Variants in CDKAL1 observed in about 807,000 individuals in gnomAD.
The protein encoded by CDKAL1 is CDKAL1 threonylcarbamoyladenosine tRNA methylthiotransferase, also known as threonylcarbamoyladenosine tRNA methylthiotransferase.
Under a neutral mutation model 68.2 loss-of-function variants are expected in CDKAL1, and 32 were observed. The observed-to-expected ratio is 0.47, with a 90% CI of 0.35 to 0.63. CDKAL1 has a LOEUF of 0.63. CDKAL1 is among the 30% of genes least tolerant of loss of function. The pLI, the probability that CDKAL1 is intolerant of heterozygous loss-of-function variation, is 0.00. For synonymous variants in CDKAL1, 234 were observed against 244.3 expected, an observed-to-expected ratio of 0.96 and a Z score of 0.39; for missense variants, 606 against 696.7, an observed-to-expected ratio of 0.87 and a Z score of 1.47.
At position 21,114,467 on chromosome 6, in the gene CDKAL1, TC is replaced by T. The variant is rs1288889934; in HGVS notation, c.1299+6005del. ...ACTCCTCTAAGCTGGATGTGGTGGC[TC>T]ATCCCTGTAATCCCAGTAATTTGGG... On this transcript the variant is annotated intron_variant, in intron 13 of 15. Coordinates refer to ENST00000274695, the MANE Select transcript of CDKAL1 (RefSeq NM_017774.3). Among the ~76,000 whole-genome samples, 54 of 152,312 alleles carry T rather than the reference TC, an allele frequency of 3.5e-4. No individual in the cohort carries two copies. The Middle Eastern group carries it at 0.01, about 29-fold the overall frequency.
Position 20,988,796 on chromosome 6 carries a change from C to T in CDKAL1, c.910-11431C>T, listed in dbSNP as rs577120111. Among the ~76,000 whole-genome samples, 5 of 150,988 alleles carry T rather than the reference C, an allele frequency of 3.3e-5. No individual in the cohort carries two copies. The South Asian group carries it at 6.4e-4, about 19-fold the overall frequency. On this transcript the variant is annotated intron_variant, in intron 10 of 15. Coordinates refer to ENST00000274695, the MANE Select transcript of CDKAL1 (RefSeq NM_017774.3). ...TCCCCAGTAGCTAGGATTACAGGCA[C>T]GCACCACCACTCCCAGTTAATTTTT...
At chr6:21,160,378 A>G (rs1252354553) in intron 13 of CDKAL1, among the ~76,000 whole-genome samples, 1 of 151,288 alleles carries the variant, frequency 6.6e-6, no homozygotes, top group East Asian at 2.0e-4. Flanking sequence ...GCTCACTGCA[A>G]CCTCTGCCTC....
At chr6:20,933,182 G>C (rs539841174) in intron 9 of CDKAL1, among the ~76,000 whole-genome samples, 4 of 152,190 alleles carry the variant, frequency 2.6e-5, no homozygotes, top group African/African-American at 9.7e-5. Flanking sequence ...TTCAGCCATC[G>C]TAAAGAAAGA....
chr6:21,130,253 TC>T (rs1172915015), intron 13 of CDKAL1, among the ~76,000 whole-genome samples: 41 of 149,600 alleles, frequency 2.7e-4, no homozygotes, highest in Admixed American at 5.4e-4. Context: ...AGATGTAGTT[TC>T]GCTCTTGTTC....
chr6:21,067,783 A>G (rs1771538003), intron 12 of CDKAL1, among the ~76,000 whole-genome samples: 2 of 152,116 alleles, frequency 1.3e-5, no homozygotes. Flanking sequence ...ATAACTGCCA[A>G]ATAGTTTCCC....
chr6:21,117,897 G>T (rs552642423), intron 13 of CDKAL1, among the ~76,000 whole-genome samples: 1 of 152,216 alleles, frequency 6.6e-6, no homozygotes, highest in Middle Eastern at 3.4e-3. Flanking sequence ...CCCCATCAAA[G>T]GCTAACACGT....
chr6:20,536,991 T>C (rs1763199349), intron 2 of CDKAL1, among the ~76,000 whole-genome samples: 1 of 152,184 alleles, frequency 6.6e-6, no homozygotes, highest in South Asian at 2.1e-4. Flanking sequence ...TTCTCAGAGA[T>C]TCATTCAGCT....
At chr6:20,991,890 C>A (rs1049645419) in intron 10 of CDKAL1, among the ~76,000 whole-genome samples, 1 of 150,464 alleles carries the variant, frequency 6.6e-6, no homozygotes, top group African/African-American at 2.4e-5. Flanking sequence ...AATTGTATGT[C>A]TGTTTTACCA....
intron 6 of CDKAL1, among the ~76,000 whole-genome samples, chr6:20,745,121 T>C: frequency 6.6e-6 from 1 of 152,244 alleles, no homozygotes; most frequent in East Asian, 1.9e-4. Context: ...TGTCCACTTA[T>C]CTCAGGGACT....
intron 6 of CDKAL1, among the ~76,000 whole-genome samples, chr6:20,742,969 AC>A (rs1773521194): frequency 6.6e-6 from 1 of 152,136 alleles, no homozygotes; most frequent in Non-Finnish European, 1.5e-5. Flanking sequence ...TCTAAGTTTT[AC>A]CTTTAGAGAG....
chr6:20,631,405 C>G (rs1261277581), intron 4 of CDKAL1, among the ~76,000 whole-genome samples: 2 of 152,170 alleles, frequency 1.3e-5, no homozygotes, highest in African/African-American at 4.8e-5. Context: ...TCTCCCCTGA[C>G]CTGCTCCTCC....
chr6:21,072,455 G>C (rs966992847), intron 12 of CDKAL1, among the ~76,000 whole-genome samples: 5 of 145,262 alleles, frequency 3.4e-5, no homozygotes, highest in Admixed American at 2.9e-4. Flanking sequence ...AGAACTCATT[G>C]CATAAAATCA....
At chr6:20,896,511 A>C (rs1427888329) in intron 9 of CDKAL1, among the ~76,000 whole-genome samples, 1 of 152,222 alleles carries the variant, frequency 6.6e-6, no homozygotes, top group Non-Finnish European at 1.5e-5. Context: ...CATTCATTTG[A>C]TATAAAATGC....
At chr6:20,938,169 C>T (rs1042101548) in intron 9 of CDKAL1, among the ~76,000 whole-genome samples, 9 of 151,992 alleles carry the variant, frequency 5.9e-5, no homozygotes, top group Non-Finnish European at 1.3e-4. Context: ...ATTATTTATT[C>T]TGTTGATCAG....
intron 5 of CDKAL1, among the ~76,000 whole-genome samples, chr6:20,688,172 T>C (rs1385766148): frequency 6.6e-6 from 1 of 152,040 alleles, no homozygotes; most frequent in Non-Finnish European, 1.5e-5. Context: ...TCTTTATCTT[T>C]GACTTTCTGT....
chr6:21,096,285 G>T (rs767869567), intron 12 of CDKAL1, among the ~76,000 whole-genome samples: 2 of 152,112 alleles, frequency 1.3e-5, no homozygotes, highest in Non-Finnish European at 2.9e-5. Flanking sequence ...GAGAAATTTC[G>T]TTTTCTCCAT....
intron 5 of CDKAL1, among the ~76,000 whole-genome samples, chr6:20,681,779 A>G (rs1341362392): frequency 6.6e-6 from 1 of 152,178 alleles, no homozygotes; most frequent in Non-Finnish European, 1.5e-5. Context: ...CTCATAGGAT[A>G]GTATCGATAC....
At chr6:20,818,735 T>A (rs1434907801) in intron 8 of CDKAL1, among the ~76,000 whole-genome samples, 4 of 150,516 alleles carry the variant, frequency 2.7e-5, no homozygotes. Flanking sequence ...TATAGTTATA[T>A]ACTTAATAAT....
intron 13 of CDKAL1, among the ~76,000 whole-genome samples, chr6:21,135,440 G>A (rs1392519786): frequency 6.6e-6 from 1 of 152,092 alleles, no homozygotes; most frequent in Admixed American, 6.6e-5. Flanking sequence ...AGAGTATGCA[G>A]GATGATAGGT....
Sources: allele counts gnomAD v4.1 joint callset (sites outside exome capture counted in the v4.1 genomes callset), GRCh38; gene constraint gnomAD v4.1.1; transcripts MANE v1.5; gene names NCBI Gene and HGNC (gene_info 2026-07-23, HGNC 2026-07-21).